Variants in CSAD observed in about 807,000 individuals in gnomAD.
The protein encoded by CSAD is cysteine sulfinic acid decarboxylase, also known as P-selectin cytoplasmic tail-associated protein.
Under a neutral mutation model 61.5 loss-of-function variants are expected in CSAD, and 47 were observed. That is an observed-to-expected ratio of 0.76 (90% CI 0.60 to 0.97). CSAD has a LOEUF of 0.97. Ranked by LOEUF, CSAD falls within the 50% of genes least tolerant of loss-of-function variation. The pLI, the probability that CSAD is intolerant of heterozygous loss-of-function variation, is 0.00. For missense variants in CSAD, 611 were observed against 643.6 expected, an observed-to-expected ratio of 0.95 and a Z score of 0.55; for synonymous variants, 245 against 252.7, an observed-to-expected ratio of 0.97 and a Z score of 0.29.
chr12:53,180,135 C>A, intron 1 of CSAD: 1 of 1,270,736 alleles, frequency 7.9e-7, no homozygotes, highest in Non-Finnish European at 9.9e-7. Flanking sequence ...ACTCAAGGAA[C>A]GCCTCTGCGA....
In CSAD at chr12:53,160,776, A is replaced by G; in HGVS notation, c.953T>C (p.Leu318Pro). The change falls in exon 13 of 17, where the codon CTC (leucine) becomes CCC (proline). Residue 318 changes from leucine to proline, a missense_variant. By Grantham distance (98) the Leu-to-Pro change is moderately conservative. Coordinates refer to ENST00000444623, the MANE Select transcript of CSAD (RefSeq NM_001244705.2). ...GGGCAGACCCACCGAGGTATCCTGG[A>G]GAAGAAGTGCAGAGCATTGCAGGCC... The part of the protein sequence containing the change: ...AAGLQCSALL[L>P]QDTSNLLKRC... 6.4e-7 allele frequency: 1 copy of G among 1,551,598 alleles called. No individual in the cohort carries two copies. The highest frequency in any genetic ancestry group is 8.7e-7 in the Non-Finnish European group (1 of 1,146,958).
intron 10 of CSAD, among the ~76,000 whole-genome samples, chr12:53,169,865 CA>C (rs1940349206): frequency 6.6e-6 from 1 of 152,142 alleles, no homozygotes; most frequent in Non-Finnish European, 1.5e-5. Context: ...CCCTGCCTCT[CA>C]GAATCCAACC....
chr12:53,161,324 CA>C lies in CSAD; in HGVS notation c.767del (p.Leu256ArgfsTer108), dbSNP rs1939257265. On this transcript the variant is annotated frameshift_variant, in exon 11 of 17. Coordinates refer to ENST00000444623, the MANE Select transcript of CSAD (RefSeq NM_001244705.2). LOFTEE classifies it high-confidence loss of function. Reference sequence around the variant, plus strand: ...GCTGGCACACATCAGCAATTGCCTCCAGGGGGTCAAAGGCCCCTAGCACAGT... The same window carrying C: ...GCTGGCACACATCAGCAATTGCCTCCGGGGGTCAAAGGCCCCTAGCACAGT... The part of the protein sequence containing the change: ...GTTVLGAFDP[L>X]EAIADVCQRH... The C allele has an allele frequency of 1.2e-6, 2 of 1,614,028 alleles. No individual in the cohort carries two copies. Among genetic ancestry groups the C allele is most frequent in the African/African-American group, 1.3e-5 (1 of 74,922 alleles).
intron 1 of CSAD, chr12:53,180,428 A>G: frequency 8.6e-7 from 1 of 1,165,224 alleles, no homozygotes; most frequent in South Asian, 1.6e-5. Context: ...CCCATCGAGC[A>G]CCCAGCGTAC....
At chr12:53,165,682 G>A (rs866623007) in intron 10 of CSAD, among the ~76,000 whole-genome samples, 12 of 142,314 alleles carry the variant, frequency 8.4e-5, no homozygotes, top group African/African-American at 1.1e-4. Flanking sequence ...AAAAAAAAAA[G>A]AAGAAGAAGA....
intron 10 of CSAD, among the ~76,000 whole-genome samples, chr12:53,163,061 CAAAA>C (rs139430790): frequency 8.9e-6 from 1 of 112,512 alleles, no homozygotes; most frequent in Non-Finnish European, 1.9e-5. Context: ...AACTCTGTCT[CAAAA>C]AAAAAAAAAA....
chr12:53,165,321 A>G (rs1333806114), intron 10 of CSAD, among the ~76,000 whole-genome samples: 1 of 151,720 alleles, frequency 6.6e-6, no homozygotes, highest in Non-Finnish European at 1.5e-5. Context: ...AGCCTGGGTG[A>G]CAGAGCAAGA....
At chr12:53,168,289 T>C (rs1940157691) in intron 10 of CSAD, among the ~76,000 whole-genome samples, 1 of 152,214 alleles carries the variant, frequency 6.6e-6, no homozygotes, top group African/African-American at 2.4e-5. Context: ...CTAATACTGA[T>C]TGTGATGATG....
chr12:53,180,805 G>T lies in CSAD; in HGVS notation c.-164C>A. ...TGGGGCCTGGAGGAGGCGCCGCGCG[G>T]CCAGGGAGCCAGCGGGAGGCCGCGC... On this transcript the variant is annotated 5_prime_UTR_variant, in exon 1 of 17. Transcript: ENST00000444623. The T allele has an allele frequency of 1.6e-6, 2 of 1,272,448 alleles. No homozygotes were observed. Among genetic ancestry groups the T allele is most frequent in the Non-Finnish European group, 2.0e-6 (2 of 982,324 alleles). The allele number at this position is 1,272,448 out of a possible 1,614,324, so 78.8% of individuals were successfully genotyped here. A position where few individuals can be genotyped will look rare whatever the true frequency, so the allele number is the denominator to read the frequency against.
Position 53,172,281 on chromosome 12 carries a change from C to G in CSAD, c.344+65G>C, listed in dbSNP as rs944049410. ...GCAGAACCATTCTCCTCCCCTACCC[C>G]TCAGGCACCTCTCTAGCAAACCTAA... On this transcript the variant is annotated intron_variant, in intron 6 of 16. Transcript: ENST00000444623. The G allele has an allele frequency of 6.3e-6, 9 of 1,417,646 alleles. No individual in the cohort carries two copies. The African/African-American group carries it at 1.1e-4, about 18-fold the overall frequency. The allele number at this position is 1,417,646 out of a possible 1,614,324, so 87.8% of individuals were successfully genotyped here.
chr12:53,172,360 GCT>G lies in CSAD; in HGVS notation c.328_329del (p.Ser110ProfsTer9). The part of the protein sequence containing the change: ...HALAGRIITE[S>X]LNTSQYTYEI... ...GGGATGCTCACTGGCTGGTGTTGAG[GCT>G]CTCAGTGATAATGCGCCCGGCCAGA... On this transcript the variant is annotated frameshift_variant, in exon 6 of 17. Transcript: ENST00000444623. LOFTEE classifies it high-confidence loss of function. 6.2e-7 allele frequency: 1 copy of G among 1,613,934 alleles called. No homozygotes were observed. The highest frequency in any genetic ancestry group is 8.5e-7 in the Non-Finnish European group (1 of 1,179,890).
intron 10 of CSAD, among the ~76,000 whole-genome samples, chr12:53,161,674 A>T (rs11170451): frequency 0.092 from 14,063 of 152,132 alleles, 774 homozygotes; most frequent in East Asian, 0.16. Flanking sequence ...TTGAAAAAAA[A>T]TTGAGTCAGG....
rs1938801406 is a variant in CSAD, at chr12:53,158,413, G to A, written c.*98C>T. ...GGCCTCCCAAAGTGCTGGGATTACA[G>A]GCGTGAGCCACTGCACCCGGCCTCA... is the stretch of plus-strand genomic sequence containing the variant. On this transcript the variant is annotated 3_prime_UTR_variant, in exon 17 of 17. Coordinates refer to ENST00000444623, the MANE Select transcript of CSAD (RefSeq NM_001244705.2). The A allele has an allele frequency of 1.5e-6, 2 of 1,307,366 alleles. No homozygotes were observed. The highest frequency in any genetic ancestry group is 2.0e-5 in the Admixed American group (1 of 50,108). The allele number at this position is 1,307,366 out of a possible 1,614,324, so 81.0% of individuals were successfully genotyped here. A position where few individuals can be genotyped will look rare whatever the true frequency, so the allele number is the denominator to read the frequency against.
Position 53,180,872 on chromosome 12 carries a change from G to C in CSAD, c.-231C>G. 1 of 1,220,294 alleles carries C rather than the reference G, an allele frequency of 8.2e-7. No individual in the cohort carries two copies. Among genetic ancestry groups the C allele is most frequent in the African/African-American group, 1.6e-5 (1 of 60,684 alleles). The allele number at this position is 1,220,294 out of a possible 1,614,324, so 75.6% of individuals were successfully genotyped here. ...AGCCCCAAAGACCGCAGCGTCGTCCGTACAGACGGCAGCGCTTCAGTAGCT... is the reference window on the plus strand; with the variant it reads ...AGCCCCAAAGACCGCAGCGTCGTCCCTACAGACGGCAGCGCTTCAGTAGCT... On this transcript the variant is annotated 5_prime_UTR_variant, in exon 1 of 17. Transcript: ENST00000444623.
intron 2 of CSAD, among the ~76,000 whole-genome samples, chr12:53,175,032 C>A (rs955881530): frequency 2.0e-5 from 3 of 152,206 alleles, no homozygotes; most frequent in Non-Finnish European, 4.4e-5. Context: ...CAAACATTGA[C>A]TGAGTGTTGT....
intron 8 of CSAD, chr12:53,171,051 A>G: frequency 6.6e-6 from 4 of 610,102 alleles, no homozygotes; most frequent in Non-Finnish European, 1.2e-5. Context: ...GCCCCAGGTC[A>G]TACCAATGCT....
intron 10 of CSAD, 117 bp downstream of exon 10, chr12:53,169,955 A>G: frequency 1.1e-6 from 1 of 889,370 alleles, no homozygotes; most frequent in South Asian, 1.4e-5. Flanking sequence ...ACTTCAGCCC[A>G]CAGGGGAGAT....
chr12:53,169,521 A>AT (rs750401734), intron 10 of CSAD, among the ~76,000 whole-genome samples: 43 of 151,594 alleles, frequency 2.8e-4, no homozygotes, highest in Non-Finnish European at 4.7e-4. Context: ...TTATTTATTT[A>AT]TTATTATTAT....
intron 10 of CSAD, among the ~76,000 whole-genome samples, chr12:53,165,027 T>A (rs2121448891): frequency 6.6e-6 from 1 of 152,306 alleles, no homozygotes; most frequent in South Asian, 2.1e-4. Context: ...ACTATCAAAG[T>A]AACAGAAAAT....
Sources: allele counts gnomAD v4.1 joint callset (sites outside exome capture counted in the v4.1 genomes callset), GRCh38; gene constraint gnomAD v4.1.1; transcripts MANE v1.5; gene names NCBI Gene and HGNC (gene_info 2026-07-23, HGNC 2026-07-21).